The following ABCA13 variants were observed in gnomAD, a reference collection of about 807,000 sequenced individuals.
The protein encoded by ABCA13 is ATP-binding cassette sub-family A member 13.
A neutral mutation model predicts 478.7 loss-of-function variants in ABCA13; 476 were observed. The ratio of observed to expected loss-of-function variants is 0.99; its 90% CI spans 0.92 to 1.07. The LOEUF is 1.07. Among genes scored for constraint, ABCA13 ranks in the 50% least tolerant of loss-of-function variants. The pLI, the probability that ABCA13 is intolerant of heterozygous loss-of-function variation, is 0.00. For synonymous variants in ABCA13, 2,252 were observed against 2,158.9 expected (o/e 1.04, Z -1.20); for missense variants, 6,060 against 5,910.6 (o/e 1.03, Z -0.83).
intron 5 of ABCA13, among the ~76,000 whole-genome samples, chr7:48,223,610 A>C (rs1035483886): frequency 1.3e-5 from 2 of 152,028 alleles, no homozygotes; most frequent in African/African-American, 4.8e-5. Context: ...GTTGACAAGA[A>C]AGGCTCTGAT....
intron 46 of ABCA13, 51 bp downstream of exon 46, chr7:48,481,205 A>T: frequency 2.9e-6 from 4 of 1,390,866 alleles, no homozygotes; most frequent in Non-Finnish European, 4.0e-6. Context: ...TACTATGGAA[A>T]ACTTATTGTT....
intron 59 of ABCA13, among the ~76,000 whole-genome samples, chr7:48,621,136 C>T (rs553261244): frequency 2.0e-5 from 3 of 152,294 alleles, no homozygotes; most frequent in Non-Finnish European, 4.4e-5. Context: ...AATACTCCCA[C>T]CCACAGACAC....
intron 54 of ABCA13, among the ~76,000 whole-genome samples, chr7:48,524,690 G>A (rs1380858876): frequency 6.6e-6 from 1 of 152,156 alleles, no homozygotes; most frequent in Non-Finnish European, 1.5e-5. Context: ...TGATTGCATA[G>A]TTTTAATTAT....
At chr7:48,376,115 T>G (rs1813439864) in intron 34 of ABCA13, among the ~76,000 whole-genome samples, 2 of 152,202 alleles carry the variant, frequency 1.3e-5, no homozygotes, top group African/African-American at 2.4e-5. Context: ...TTAAAAAATT[T>G]TTTTGAATGC....
intron 5 of ABCA13, among the ~76,000 whole-genome samples, chr7:48,225,653 G>A (rs1788099437): frequency 6.6e-6 from 1 of 152,116 alleles, no homozygotes; most frequent in South Asian, 2.1e-4. Flanking sequence ...TTATTTTGTA[G>A]ACTATCTATC....
At chr7:48,259,593 G>A (rs903505768) in intron 15 of ABCA13, among the ~76,000 whole-genome samples, 8 of 151,956 alleles carry the variant, frequency 5.3e-5, no homozygotes, top group African/African-American at 1.9e-4. Context: ...CATAGTTTTA[G>A]CCTGTTTACA....
chr7:48,366,382 A>T (rs1223475659), intron 31 of ABCA13, among the ~76,000 whole-genome samples: 1 of 151,368 alleles, frequency 6.6e-6, no homozygotes, highest in Non-Finnish European at 1.5e-5. Flanking sequence ...ATTCCTTCTC[A>T]CTTTTGGTTA....
intron 3 of ABCA13, among the ~76,000 whole-genome samples, chr7:48,212,784 G>A (rs558375182): frequency 6.6e-6 from 1 of 151,800 alleles, no homozygotes; most frequent in African/African-American, 2.4e-5. Flanking sequence ...TTTTATTTTT[G>A]GTTTTATTGA....
intron 37 of ABCA13, among the ~76,000 whole-genome samples, chr7:48,389,832 T>C (rs717707): frequency 0.14 from 21,428 of 152,212 alleles, 1,941 homozygotes; most frequent in African/African-American, 0.26. Context: ...ACTAAAATTA[T>C]GAAATATCTC....
chr7:48,538,318 C>G (rs1429961760), intron 55 of ABCA13, among the ~76,000 whole-genome samples: 1 of 152,060 alleles, frequency 6.6e-6, no homozygotes, highest in Non-Finnish European at 1.5e-5. Flanking sequence ...CTAGGCTGGT[C>G]TCGAACTGCT....
intron 20 of ABCA13, 137 bp from the exon 21 acceptor site, chr7:48,295,563 C>A: frequency 9.1e-7 from 1 of 1,096,496 alleles, no homozygotes; most frequent in Non-Finnish European, 1.3e-6. Context: ...CAGCCAAGGG[C>A]TCTTTCTACT....
intron 31 of ABCA13, among the ~76,000 whole-genome samples, chr7:48,361,326 T>A (rs538885099): frequency 6.6e-6 from 1 of 151,640 alleles, no homozygotes; most frequent in Admixed American, 6.5e-5. Flanking sequence ...AATGAAACAA[T>A]TTTCTTCTCT....
chr7:48,297,497 G>A (rs1026570984), intron 22 of ABCA13, among the ~76,000 whole-genome samples, 186 bp downstream of exon 22: 1 of 152,218 alleles, frequency 6.6e-6, no homozygotes, highest in African/African-American at 2.4e-5. Flanking sequence ...AGGGTACCAT[G>A]TTGAAGCAGA....
Position 48,198,693 on chromosome 7 carries a change from C to A in ABCA13, c.287+333C>A, listed in dbSNP as rs368034094. 3.3e-5 allele frequency among the ~76,000 whole-genome samples: 5 copies of A among 152,324 alleles called. No individual in the cohort carries two copies. In the East Asian group the frequency reaches 5.8e-4, roughly 18 times the overall value. Reference sequence around the variant, plus strand: ...CAACTTTTCATTTTAGTGCCACATGCCCCCAGAACAATTATTTTTTGAGCT... The same window carrying A: ...CAACTTTTCATTTTAGTGCCACATGACCCCAGAACAATTATTTTTTGAGCT... On this transcript the variant is annotated intron_variant, in intron 3 of 61. Coordinates refer to ENST00000435803, the MANE Select transcript of ABCA13 (RefSeq NM_152701.5).
rs374535027 is a variant in ABCA13, at chr7:48,627,132, G to A, written c.14837+11755G>A. The A allele has an allele frequency of 1.2e-4, 98 of 813,206 alleles. 1 individual carries two copies. The Admixed American group carries it at 1.6e-3, about 13-fold the overall frequency. The allele number at this position is 813,206 out of a possible 1,614,324, so 50.4% of individuals were successfully genotyped here. The stretch of plus-strand genomic sequence containing the variant: ...CATGGTCTTATTTAATCTTTATTAC[G>A]TAATGGCTATTATTGTACCCACTTC... On this transcript the variant is annotated intron_variant, in intron 59 of 61. Coordinates refer to ENST00000435803, the MANE Select transcript of ABCA13 (RefSeq NM_152701.5).
intron 48 of ABCA13, among the ~76,000 whole-genome samples, chr7:48,502,478 A>G (rs1830844211): frequency 6.6e-6 from 1 of 152,228 alleles, no homozygotes; most frequent in Non-Finnish European, 1.5e-5. Flanking sequence ...TGAGCTCCCC[A>G]CAGAAACAGC....
intron 55 of ABCA13, among the ~76,000 whole-genome samples, chr7:48,547,532 C>T (rs1176762528): frequency 6.6e-6 from 1 of 151,838 alleles, no homozygotes; most frequent in Non-Finnish European, 1.5e-5. Flanking sequence ...CTGCTTGCTG[C>T]CTCAGGCTTC....
chr7:48,456,363 T>A (rs1825672951), intron 43 of ABCA13, among the ~76,000 whole-genome samples: 1 of 152,222 alleles, frequency 6.6e-6, no homozygotes, highest in Admixed American at 6.5e-5. Context: ...GGTAAACTCT[T>A]CAGTTTGTTC....
chr7:48,456,198 G>C (rs997529430), intron 43 of ABCA13, among the ~76,000 whole-genome samples: 3 of 152,258 alleles, frequency 2.0e-5, no homozygotes, highest in Non-Finnish European at 4.4e-5. Flanking sequence ...TAAGAGGACA[G>C]TGTCAGTTCT....
Sources: allele counts gnomAD v4.1 joint callset (sites outside exome capture counted in the v4.1 genomes callset), GRCh38; gene constraint gnomAD v4.1.1; transcripts MANE v1.5; gene names NCBI Gene and HGNC (gene_info 2026-07-23, HGNC 2026-07-21).